ERC2: variants seen among roughly 807,000 people sequenced by gnomAD.
ERC2 encodes the protein ERC protein 2.
In ERC2, 42 loss-of-function variants were observed where a neutral mutation model predicts 114.8. The observed-to-expected ratio is 0.37, with a 90% CI of 0.29 to 0.47. The LOEUF is 0.47. ERC2 is among the 20% of genes least tolerant of loss of function. ERC2 has a pLI of 0.99. For missense variants in ERC2, 939 were observed against 1,150.7 expected, an observed-to-expected ratio of 0.82 and a Z score of 2.66; for synonymous variants, 454 against 425.5, an observed-to-expected ratio of 1.07 and a Z score of -0.82.
chr3:56,265,084 T>G (rs1001063096), intron 3 of ERC2, among the ~76,000 whole-genome samples: 1 of 152,186 alleles, frequency 6.6e-6, no homozygotes, highest in African/African-American at 2.4e-5. Context: ...AAGTCATTTT[T>G]CACAGAAATA....
chr3:55,900,357 C>G (rs1576098555), intron 13 of ERC2, among the ~76,000 whole-genome samples: 1 of 152,138 alleles, frequency 6.6e-6, no homozygotes, highest in African/African-American at 2.4e-5. Context: ...CTGTGAGGCC[C>G]TAGAAAATCA....
intron 14 of ERC2, among the ~76,000 whole-genome samples, chr3:55,756,588 G>A (rs1036780235): frequency 3.9e-5 from 6 of 152,170 alleles, no homozygotes; most frequent in Non-Finnish European, 7.4e-5. Context: ...GTCAAAGGCT[G>A]TTTGACTCTA....
At chr3:55,820,147 A>G (rs2060067439) in intron 14 of ERC2, among the ~76,000 whole-genome samples, 1 of 152,128 alleles carries the variant, frequency 6.6e-6, no homozygotes, top group South Asian at 2.1e-4. Context: ...CGTGGGGTCT[A>G]GAAGTGGAGC....
chr3:56,270,774 T>C (rs2053606538), intron 3 of ERC2, among the ~76,000 whole-genome samples: 1 of 152,140 alleles, frequency 6.6e-6, no homozygotes, highest in Non-Finnish European at 1.5e-5. Flanking sequence ...GGTCAGGAGA[T>C]TGAGACCATC....
At chr3:55,530,105 C>A (rs750836825) in intron 17 of ERC2, among the ~76,000 whole-genome samples, 4 of 152,216 alleles carry the variant, frequency 2.6e-5, no homozygotes, top group Non-Finnish European at 5.9e-5. Flanking sequence ...AATGAATCAA[C>A]AAATGAGTGG....
At chr3:55,838,672 A>G (rs553599690) in intron 14 of ERC2, among the ~76,000 whole-genome samples, 3 of 151,922 alleles carry the variant, frequency 2.0e-5, no homozygotes, top group Admixed American at 6.6e-5. Context: ...TTCTTTGAAA[A>G]GATCACTTAA....
intron 17 of ERC2, among the ~76,000 whole-genome samples, chr3:55,519,092 T>C (rs1227920527): frequency 6.6e-6 from 1 of 152,150 alleles, no homozygotes; most frequent in African/African-American, 2.4e-5. Flanking sequence ...AGAACCCCAC[T>C]TGGGTAGCGC....
At chr3:55,991,777 C>T (rs1392432603) in intron 11 of ERC2, among the ~76,000 whole-genome samples, 1 of 152,186 alleles carries the variant, frequency 6.6e-6, no homozygotes, top group Non-Finnish European at 1.5e-5. Flanking sequence ...CAATTTCTTA[C>T]ACACTTCGCT....
At chr3:56,003,767 G>A (rs774000254) in intron 10 of ERC2, among the ~76,000 whole-genome samples, 5 of 151,936 alleles carry the variant, frequency 3.3e-5, no homozygotes, top group Non-Finnish European at 5.9e-5. Flanking sequence ...TGTTGTCTCC[G>A]GATTAATAGA....
intron 1 of ERC2, among the ~76,000 whole-genome samples, chr3:56,466,322 C>T (rs1034874712): frequency 6.6e-6 from 1 of 152,174 alleles, no homozygotes; most frequent in African/African-American, 2.4e-5. Flanking sequence ...AAAGTGACAG[C>T]TCTTTGGATC....
chr3:55,609,082 A>G (rs1298037023), intron 17 of ERC2, among the ~76,000 whole-genome samples: 1 of 152,154 alleles, frequency 6.6e-6, no homozygotes, highest in Non-Finnish European at 1.5e-5. Flanking sequence ...GGAGGCAGGG[A>G]GAGTCCTAAA....
At chr3:56,000,021 A>T (rs1576510761) in intron 10 of ERC2, among the ~76,000 whole-genome samples, 2 of 152,034 alleles carry the variant, frequency 1.3e-5, no homozygotes, top group South Asian at 4.1e-4. Context: ...AACAAATTAG[A>T]GACATCAATA....
rs1329921299 is a variant in ERC2, at chr3:55,712,093, G to A, written c.2713-12581C>T. Among the ~76,000 whole-genome samples the A allele has an allele frequency of 1.6e-4, 24 of 152,150 alleles. 1 individual carries two copies. The highest frequency in any genetic ancestry group is 1.6e-3 in the Admixed American group (24 of 15,268). The stretch of plus-strand genomic sequence containing the variant: ...CTGAGCATAATTTCATTCATTTAGT[G>A]TCTATTTCTACTTCATTATCTGTGA... On this transcript the variant is annotated intron_variant, in intron 15 of 17. Transcript: ENST00000288221.
intron 17 of ERC2, among the ~76,000 whole-genome samples, chr3:55,626,071 C>T (rs926604085): frequency 3.3e-5 from 5 of 152,148 alleles, no homozygotes; most frequent in African/African-American, 1.2e-4. Flanking sequence ...TCCCAGAGTC[C>T]ATCTTGCACA....
At chr3:55,910,279 C>T (rs936886526) in intron 13 of ERC2, among the ~76,000 whole-genome samples, 2 of 151,984 alleles carry the variant, frequency 1.3e-5, no homozygotes, top group Non-Finnish European at 2.9e-5. Flanking sequence ...GTAATCCCAG[C>T]TACTCCGGAG....
intron 7 of ERC2, among the ~76,000 whole-genome samples, chr3:56,028,831 A>G (rs974688090): frequency 1.4e-4 from 21 of 152,020 alleles, no homozygotes; most frequent in Non-Finnish European, 2.8e-4. Flanking sequence ...AGGGCTTTGG[A>G]GTACTATGCT....
intron 14 of ERC2, among the ~76,000 whole-genome samples, chr3:55,839,512 C>T (rs911695614): frequency 1.3e-5 from 2 of 150,770 alleles, no homozygotes; most frequent in African/African-American, 2.4e-5. Context: ...GGGTTAATAA[C>T]AAAAATTAAA....
intron 2 of ERC2, among the ~76,000 whole-genome samples, chr3:56,371,315 A>G (rs886583312): frequency 3.9e-5 from 6 of 152,184 alleles, no homozygotes; most frequent in Non-Finnish European, 8.8e-5. Flanking sequence ...GGCCTAGAAA[A>G]GGAAGCCAAA....
chr3:56,214,845 T>A (rs573900153), intron 3 of ERC2, among the ~76,000 whole-genome samples: 1 of 152,148 alleles, frequency 6.6e-6, no homozygotes, highest in Non-Finnish European at 1.5e-5. Context: ...TATTCAACAT[T>A]CTTAAAGAAA....
Sources: gnomAD v4.1 joint callset for allele counts (sites outside exome capture counted in the v4.1 genomes callset) on GRCh38, gnomAD v4.1.1 for gene constraint, MANE v1.5 for transcripts, NCBI Gene and HGNC (gene_info 2026-07-23, HGNC 2026-07-21) for gene names.